COL19A1: variants seen among roughly 807,000 people sequenced by gnomAD.
COL19A1 encodes the protein collagen alpha-1(XIX) chain.
In COL19A1, 159 loss-of-function variants were observed where a neutral mutation model predicts 190.2. That is an observed-to-expected ratio of 0.84 (90% CI 0.73 to 0.95). COL19A1 has a LOEUF of 0.95. Among genes scored for constraint, COL19A1 ranks in the 40% least tolerant of loss-of-function variants. The pLI, the probability that COL19A1 is intolerant of heterozygous loss-of-function variation, is 0.00. For missense variants in COL19A1, 1,418 were observed against 1,431.9 expected, an observed-to-expected ratio of 0.99 and a Z score of 0.16; for synonymous variants, 509 against 458.9, an observed-to-expected ratio of 1.11 and a Z score of -1.39.
intron 15 of COL19A1, among the ~76,000 whole-genome samples, chr6:70,077,157 T>A (rs1781932182): frequency 6.6e-6 from 1 of 152,220 alleles, no homozygotes; most frequent in Non-Finnish European, 1.5e-5. Flanking sequence ...AACTCTATAG[T>A]ATTTTGAGTT....
intron 11 of COL19A1, among the ~76,000 whole-genome samples, chr6:69,964,484 C>A (rs1348105608): frequency 6.6e-6 from 1 of 152,026 alleles, no homozygotes; most frequent in African/African-American, 2.4e-5. Flanking sequence ...CAGATATATT[C>A]TCTGTAATTT....
At chr6:70,038,644 GTGCCTTTCA>G (rs1250906065) in intron 14 of COL19A1, among the ~76,000 whole-genome samples, 1 of 152,144 alleles carries the variant, frequency 6.6e-6, no homozygotes. Flanking sequence ...TGTGGCTTGG[GTGCCTTTCA>G]TGCTTCTTAA....
chr6:70,179,376 A>G (rs1766023074), intron 42 of COL19A1, among the ~76,000 whole-genome samples: 2 of 152,122 alleles, frequency 1.3e-5, no homozygotes, highest in Non-Finnish European at 2.9e-5. Context: ...GTTCCTTCTC[A>G]GAGGCAACCA....
chr6:70,154,143 G>A, intron 31 of COL19A1, among the ~76,000 whole-genome samples: 2 of 114,646 alleles, frequency 1.7e-5, no homozygotes, highest in African/African-American at 6.9e-5. Context: ...AGTGTGTGAT[G>A]TTCCCCTCCC....
At position 70,026,871 on chromosome 6, in the gene COL19A1, A is replaced by C. The variant is rs111723011; in HGVS notation, c.1080+3191A>C. On this transcript the variant is annotated intron_variant, in intron 12 of 50. Transcript: ENST00000620364. The stretch of plus-strand genomic sequence containing the variant: ...TTTTAAAATACTAAAATTGGCCTTT[A>C]ACTCTAAATATTTGGCTGAAAAGTC... Among the ~76,000 whole-genome samples the C allele has an allele frequency of 9.3e-3, 1,420 of 152,260 alleles. 21 individuals carry two copies. The highest frequency in any genetic ancestry group is 0.03 in the African/African-American group (1,246 of 41,544).
At chr6:70,177,248 G>A (rs1167635357) in intron 42 of COL19A1, among the ~76,000 whole-genome samples, 1 of 151,976 alleles carries the variant, frequency 6.6e-6, no homozygotes, top group African/African-American at 2.4e-5. Flanking sequence ...CTCTTGCTAG[G>A]TGCTCCTGCA....
intron 4 of COL19A1, among the ~76,000 whole-genome samples, chr6:69,903,370 T>G (rs1265739010): frequency 6.6e-6 from 1 of 152,110 alleles, no homozygotes; most frequent in Admixed American, 6.5e-5. Context: ...TGTAAATCTG[T>G]GCTAAGGGAC....
intron 2 of COL19A1, 61 bp from the exon 3 acceptor site, chr6:69,898,887 A>G (rs1421051333): frequency 6.3e-6 from 6 of 945,920 alleles, no homozygotes; most frequent in Non-Finnish European, 1.0e-5. Flanking sequence ...TTCTGATTGT[A>G]CTGTGTAATT....
intron 36 of COL19A1, among the ~76,000 whole-genome samples, chr6:70,165,415 G>C (rs1765087906): frequency 6.6e-6 from 1 of 152,188 alleles, no homozygotes; most frequent in African/African-American, 2.4e-5. Context: ...TGGGTGTAAA[G>C]TCAGATATTA....
intron 15 of COL19A1, among the ~76,000 whole-genome samples, chr6:70,077,779 C>A (rs993566252): frequency 6.7e-6 from 1 of 149,762 alleles, no homozygotes; most frequent in Non-Finnish European, 1.5e-5. Context: ...ATATTTAATA[C>A]CTTGAATGTG....
chr6:70,205,343 ACTG>A (rs1220593281), intron 49 of COL19A1, among the ~76,000 whole-genome samples: 3 of 152,328 alleles, frequency 2.0e-5, no homozygotes, highest in Admixed American at 6.5e-5. Flanking sequence ...CTATCTAAAA[ACTG>A]CTATCTAATT....
intron 27 of COL19A1, among the ~76,000 whole-genome samples, chr6:70,148,417 G>C (rs1049562248): frequency 6.6e-6 from 1 of 152,092 alleles, no homozygotes; most frequent in Admixed American, 6.6e-5. Flanking sequence ...AGGAATTTAC[G>C]AGGGTTTTAG....
intron 2 of COL19A1, among the ~76,000 whole-genome samples, chr6:69,895,021 T>C (rs1331601496): frequency 6.6e-6 from 1 of 152,220 alleles, no homozygotes; most frequent in Non-Finnish European, 1.5e-5. Flanking sequence ...AACTGATTCC[T>C]CCACCAGGGA....
chr6:69,931,833 A>G (rs919996637), intron 6 of COL19A1, among the ~76,000 whole-genome samples: 2 of 152,020 alleles, frequency 1.3e-5, no homozygotes, highest in Non-Finnish European at 2.9e-5. Flanking sequence ...TGAGGCGAAA[A>G]GTAAAAGTTA....
chr6:69,903,488 A>T (rs2149977368), intron 4 of COL19A1, among the ~76,000 whole-genome samples: 1 of 152,234 alleles, frequency 6.6e-6, no homozygotes, highest in African/African-American at 2.4e-5. Flanking sequence ...TACCTACCAC[A>T]CTGTTGGGTA....
At chr6:70,041,526 C>A (rs1051746736) in intron 14 of COL19A1, among the ~76,000 whole-genome samples, 7 of 151,920 alleles carry the variant, frequency 4.6e-5, no homozygotes, top group Non-Finnish European at 1.0e-4. Flanking sequence ...CCTTAAACAA[C>A]CCTGTGAGGT....
At chr6:69,904,607 C>G (rs903561644) in intron 4 of COL19A1, among the ~76,000 whole-genome samples, 9 of 152,198 alleles carry the variant, frequency 5.9e-5, no homozygotes, top group African/African-American at 1.9e-4. Flanking sequence ...CCACTGGGTT[C>G]CCATCAGATG....
At chr6:70,074,224 C>T (rs774986747) in intron 15 of COL19A1, among the ~76,000 whole-genome samples, 3 of 151,984 alleles carry the variant, frequency 2.0e-5, no homozygotes, top group East Asian at 1.9e-4. Flanking sequence ...TTTCATTGGG[C>T]GCGGTGGCTC....
chr6:70,108,015 AGTCTCAAGACTTGGAAT>A (rs1170428555), intron 16 of COL19A1, among the ~76,000 whole-genome samples: 2 of 152,190 alleles, frequency 1.3e-5, no homozygotes, highest in Non-Finnish European at 2.9e-5. Context: ...AGACTTGGAA[AGTCTCAAGACTTGGAAT>A]GCCTTTGTTT....
Sources: allele counts gnomAD v4.1 joint callset (sites outside exome capture counted in the v4.1 genomes callset), GRCh38; gene constraint gnomAD v4.1.1; transcripts MANE v1.5; gene names NCBI Gene and HGNC (gene_info 2026-07-23, HGNC 2026-07-21).